PLA2G1B: variants seen among roughly 807,000 people sequenced by gnomAD.
PLA2G1B encodes the protein phospholipase A2 group IB, also known as phospholipase A2.
Under a neutral mutation model 12.5 loss-of-function variants are expected in PLA2G1B, and 12 were observed. The ratio of observed to expected loss-of-function variants is 0.96; its 90% CI spans 0.62 to 1.56. The LOEUF (loss-of-function observed/expected upper bound fraction) is 1.56. Among genes scored for constraint, PLA2G1B ranks in the 40% most tolerant of loss-of-function variants. The pLI, the probability that PLA2G1B is intolerant of heterozygous loss-of-function variation, is 0.00. For missense variants in PLA2G1B, 189 were observed against 186.7 expected, an observed-to-expected ratio of 1.01 and a Z score of -0.07; for synonymous variants, 81 against 73.4, an observed-to-expected ratio of 1.10 and a Z score of -0.53.
chr12:120,323,743 G>A (rs1873282739), intron 3 of PLA2G1B, among the ~76,000 whole-genome samples: 2 of 152,018 alleles, frequency 1.3e-5, no homozygotes, highest in Admixed American at 1.3e-4. Context: ...GCAGGAGGAT[G>A]TATAAGCAAA....
chr12:120,325,774 C>G, intron 2 of PLA2G1B, 87 bp downstream of exon 2: 1 of 1,217,082 alleles, frequency 8.2e-7, no homozygotes. Flanking sequence ...TATGCAAGTC[C>G]CCTTTGTATG....
Position 120,325,869 on chromosome 12 carries a change from T to C in PLA2G1B, c.186A>G (p.Glu62=). 6.2e-7 allele frequency: 1 copy of C among 1,613,950 alleles called. No homozygotes were observed. The highest frequency in any genetic ancestry group is 8.5e-7 in the Non-Finnish European group (1 of 1,179,888). ...GCAGGCGGATCACTTACTTGTCCAGTTCATCCACGGGGGTGCCTGAGCCCC... is the reference window on the plus strand; with the variant it reads ...GCAGGCGGATCACTTACTTGTCCAGCTCATCCACGGGGGTGCCTGAGCCCC... The part of the protein sequence containing the change: ...GLGGSGTPVD[E]LDKCCQTHDN... The change falls in exon 2 of 4, where the codon GAA becomes GAG. Residue 62 remains glutamate, a synonymous_variant. Coordinates refer to ENST00000308366, the MANE Select transcript of PLA2G1B (RefSeq NM_000928.3).
In PLA2G1B at chr12:120,322,320, G is replaced by A; in HGVS notation, c.323-3C>T. On this transcript the variant is annotated splice_region_variant and splice_polypyrimidine_tract_variant and intron_variant, in intron 3 of 3. Coordinates refer to ENST00000308366, the MANE Select transcript of PLA2G1B (RefSeq NM_000928.3). ...GGCCTCACACTCTTTGTTTTTGCCT[G>A]GAGAGGGATGAAAGGAGAGGACTGA... The A allele has an allele frequency of 6.2e-7, 1 of 1,613,488 alleles. No individual in the cohort carries two copies. Among genetic ancestry groups the A allele is most frequent in the African/African-American group, 1.3e-5 (1 of 75,006 alleles).
intron 3 of PLA2G1B, among the ~76,000 whole-genome samples, chr12:120,323,231 A>C (rs1873272066): frequency 6.6e-6 from 1 of 152,040 alleles, no homozygotes; most frequent in African/African-American, 2.4e-5. Context: ...ACCTTCAGGA[A>C]TCTTATTAGT....
chr12:120,324,724 G>A (rs937159845), intron 3 of PLA2G1B, among the ~76,000 whole-genome samples: 5 of 152,080 alleles, frequency 3.3e-5, no homozygotes, highest in African/African-American at 1.2e-4. Flanking sequence ...TGTGATCTTG[G>A]GCAAATAGCT....
intron 3 of PLA2G1B, among the ~76,000 whole-genome samples, chr12:120,324,482 G>A (rs562812290): frequency 1.3e-5 from 2 of 151,856 alleles, no homozygotes; most frequent in East Asian, 1.9e-4. Flanking sequence ...CCTGGCCAAC[G>A]TAGTAAGACC....
At chr12:120,324,866 A>T in intron 3 of PLA2G1B, 68 bp downstream of exon 3, 1 of 1,510,856 alleles carries the variant, frequency 6.6e-7, no homozygotes, top group Non-Finnish European at 9.2e-7. Context: ...GGCTGTTGTT[A>T]CTATTATTTC....
At chr12:120,326,084 C>T in intron 1 of PLA2G1B, 64 bp from the exon 2 acceptor site, 1 of 1,565,266 alleles carries the variant, frequency 6.4e-7, no homozygotes, top group Non-Finnish European at 8.7e-7. Context: ...CACTGCCTTC[C>T]TGCTCCCTCG....
chr12:120,322,277 G>T lies in PLA2G1B; in HGVS notation c.363C>A (p.Asp121Glu). The T allele has an allele frequency of 1.2e-6, 2 of 1,614,036 alleles. No individual in the cohort carries two copies. Among genetic ancestry groups the T allele is most frequent in the African/African-American group, 2.7e-5 (2 of 75,030 alleles). ...TTGAAAAGCAGATGGCAGCGTTGCG[G>T]TCGCAGTTGCAAATGAAGGCCTCAC... ...KECEAFICNC[D>E]RNAAICFSKA... is the part of the protein sequence containing the mutation. The change falls in exon 4 of 4, where the codon GAC (aspartate) becomes GAA (glutamate). Residue 121 changes from aspartate to glutamate, a missense_variant. Coordinates refer to ENST00000308366, the MANE Select transcript of PLA2G1B (RefSeq NM_000928.3).
chr12:120,325,090 G>C (rs747639485), intron 2 of PLA2G1B, 29 bp from the exon 3 acceptor site: 13 of 1,613,476 alleles, frequency 8.1e-6, no homozygotes, highest in Non-Finnish European at 1.1e-5. Flanking sequence ...AGCTGAGATA[G>C]GAGTAAGTGC....
chr12:120,325,268 A>T (rs9657933), intron 2 of PLA2G1B, among the ~76,000 whole-genome samples: 1 of 151,492 alleles, frequency 6.6e-6, no homozygotes, highest in South Asian at 2.1e-4. Flanking sequence ...TCTGTTACCC[A>T]GGCTGGACAG....
At chr12:120,323,382 C>T (rs1592907898) in intron 3 of PLA2G1B, among the ~76,000 whole-genome samples, 1 of 152,056 alleles carries the variant, frequency 6.6e-6, no homozygotes, top group African/African-American at 2.4e-5. Flanking sequence ...TCTCTTGCCT[C>T]AGCCTCCCGA....
At chr12:120,325,766 T>G (rs1873329029) in intron 2 of PLA2G1B, 95 bp downstream of exon 2, 2 of 1,136,942 alleles carry the variant, frequency 1.8e-6, no homozygotes, top group Non-Finnish European at 2.6e-6. Context: ...TTAGCAGATA[T>G]GCAAGTCCCC....
intron 3 of PLA2G1B, among the ~76,000 whole-genome samples, chr12:120,323,660 G>T (rs1399192504): frequency 6.6e-6 from 1 of 152,042 alleles, no homozygotes; most frequent in Non-Finnish European, 1.5e-5. Flanking sequence ...GAGTGTGTGT[G>T]TGTGTGTGTA....
intron 3 of PLA2G1B, among the ~76,000 whole-genome samples, chr12:120,324,557 A>G (rs918868061): frequency 6.6e-6 from 1 of 152,078 alleles, no homozygotes; most frequent in Admixed American, 6.5e-5. Context: ...AGTCCCAGCT[A>G]CTTGGGAGGC....
intron 1 of PLA2G1B, among the ~76,000 whole-genome samples, chr12:120,326,689 G>A (rs1427522163): frequency 1.3e-5 from 2 of 151,484 alleles, no homozygotes; most frequent in Non-Finnish European, 2.9e-5. Flanking sequence ...AATGTGATAA[G>A]GCCGGGCACG....
chr12:120,324,871 T>C (rs1190170694), intron 3 of PLA2G1B, 63 bp downstream of exon 3: 1 of 1,556,830 alleles, frequency 6.4e-7, no homozygotes, highest in African/African-American at 1.4e-5. Context: ...TTGTTACTAT[T>C]ATTTCCCCCC....
chr12:120,322,433 G>C, intron 3 of PLA2G1B, 116 bp from the exon 4 acceptor site: 1 of 906,814 alleles, frequency 1.1e-6, no homozygotes, highest in Non-Finnish European at 1.7e-6. Context: ...CACATTTAGG[G>C]CTGACAGATT....
At chr12:120,327,141 A>C (rs531131395) in intron 1 of PLA2G1B, among the ~76,000 whole-genome samples, 1 of 151,736 alleles carries the variant, frequency 6.6e-6, no homozygotes, top group East Asian at 1.9e-4. Flanking sequence ...TTAGCTGGGC[A>C]TGGTGGTGTG....
Sources: gnomAD v4.1 joint callset for allele counts (sites outside exome capture counted in the v4.1 genomes callset) on GRCh38, gnomAD v4.1.1 for gene constraint, MANE v1.5 for transcripts, NCBI Gene and HGNC (gene_info 2026-07-23, HGNC 2026-07-21) for gene names.